MBD5: variants seen among roughly 807,000 people sequenced by gnomAD.
MBD5 encodes the protein methyl-CpG binding domain protein 5.
A neutral mutation model predicts 117.3 loss-of-function variants in MBD5; 13 were observed. That is an observed-to-expected ratio of 0.11 (90% CI 0.07 to 0.18). The LOEUF is 0.18. MBD5 is among the 10% of genes least tolerant of loss of function. MBD5 has a pLI of 1.00. For synonymous variants in MBD5, 727 were observed against 766.4 expected, an observed-to-expected ratio of 0.95 and a Z score of 0.85; for missense variants, 1,879 against 2,093.8, an observed-to-expected ratio of 0.90 and a Z score of 2.00.
chr2:148,473,186 A>G (rs1256912390), intron 8 of MBD5, among the ~76,000 whole-genome samples: 1 of 152,182 alleles, frequency 6.6e-6, no homozygotes, highest in African/African-American at 2.4e-5. Flanking sequence ...TGCCAATATT[A>G]TAGCAAATAA....
At chr2:148,054,843 G>A (rs939410259) in intron 1 of MBD5, 9 of 152,112 alleles carry the variant, frequency 5.9e-5, no homozygotes, top group South Asian at 4.1e-4. Context: ...AATTCACTAC[G>A]TTTTCCAAAA....
chr2:148,420,697 ATGTTTTGTTT>A (rs3076613), intron 4 of MBD5, among the ~76,000 whole-genome samples: 1,791 of 147,464 alleles, frequency 0.012, 31 homozygotes, highest in African/African-American at 0.033. Context: ...CTGATAAGTC[ATGTTTTGTTT>A]TGTTTTGTTT....
intron 1 of MBD5, among the ~76,000 whole-genome samples, chr2:148,139,461 C>G (rs1464393150): frequency 6.6e-6 from 1 of 152,062 alleles, no homozygotes; most frequent in African/African-American, 2.4e-5. Context: ...CCGAGGCCTC[C>G]GAGGCCTCCG....
At chr2:148,033,202 T>C (rs1196159352) in intron 1 of MBD5, among the ~76,000 whole-genome samples, 1 of 152,194 alleles carries the variant, frequency 6.6e-6, no homozygotes, top group Non-Finnish European at 1.5e-5. Context: ...TGTTAGAATA[T>C]AAACATTTAA....
At chr2:148,034,248 A>G (rs984774884) in intron 1 of MBD5, among the ~76,000 whole-genome samples, 1 of 152,218 alleles carries the variant, frequency 6.6e-6, no homozygotes, top group African/African-American at 2.4e-5. Flanking sequence ...AATAATTCTA[A>G]GAGGTCAGTG....
chr2:148,264,645 T>A (rs1035061774), intron 3 of MBD5: 4 of 152,176 alleles, frequency 2.6e-5, no homozygotes, highest in Non-Finnish European at 5.9e-5. Context: ...GCCTGCAGAA[T>A]CTATAGGGGT....
intron 1 of MBD5, among the ~76,000 whole-genome samples, chr2:148,064,872 T>G (rs1291094836): frequency 6.6e-6 from 1 of 152,214 alleles, no homozygotes; most frequent in African/African-American, 2.4e-5. Flanking sequence ...TTGACCGTTC[T>G]TTCTTATATA....
intron 1 of MBD5, among the ~76,000 whole-genome samples, chr2:148,141,679 G>A (rs1446241138): frequency 6.6e-6 from 1 of 152,004 alleles, no homozygotes; most frequent in Non-Finnish European, 1.5e-5. Context: ...TATTGTCCCA[G>A]CTACCCAAGA....
intron 3 of MBD5, among the ~76,000 whole-genome samples, chr2:148,290,160 G>A (rs1025293141): frequency 3.4e-5 from 5 of 147,438 alleles, no homozygotes; most frequent in East Asian, 2.0e-4. Flanking sequence ...GTTTCACCAC[G>A]TTGGCCAGGC....
chr2:148,182,251 T>G (rs957102402), intron 2 of MBD5, among the ~76,000 whole-genome samples: 1 of 152,168 alleles, frequency 6.6e-6, no homozygotes, highest in African/African-American at 2.4e-5. Context: ...CTATTGAACC[T>G]TAACAATGCT....
At chr2:148,024,439 A>AG (rs1313482433) in intron 1 of MBD5, among the ~76,000 whole-genome samples, 1 of 152,184 alleles carries the variant, frequency 6.6e-6, no homozygotes, top group Non-Finnish European at 1.5e-5. Context: ...CTGCCTAAAA[A>AG]CAAACATTTT....
chr2:148,254,321 A>T (rs1237870105), intron 3 of MBD5, among the ~76,000 whole-genome samples: 2 of 152,180 alleles, frequency 1.3e-5, no homozygotes, highest in Non-Finnish European at 2.9e-5. Context: ...TACTATGTTT[A>T]AGGCCATTTA....
intron 3 of MBD5, among the ~76,000 whole-genome samples, chr2:148,318,705 G>T (rs566454235): frequency 6.6e-6 from 1 of 152,100 alleles, no homozygotes; most frequent in African/African-American, 2.4e-5. Flanking sequence ...TGAATAGGAT[G>T]TACTTTCTCC....
At position 148,369,261 on chromosome 2, in the gene MBD5, T is replaced by A. The variant is rs116424159; in HGVS notation, c.-557+26925T>A. Reference sequence around the variant, plus strand: ...TAGGAAACTGAAGACACTTAACAACTAAATGTCATGTGATAATTGATTGGT... The same window carrying A: ...TAGGAAACTGAAGACACTTAACAACAAAATGTCATGTGATAATTGATTGGT... On this transcript the variant is annotated intron_variant, in intron 4 of 13. Coordinates refer to ENST00000642680, the MANE Select transcript of MBD5 (RefSeq NM_001378120.1). Among the ~76,000 whole-genome samples the A allele has an allele frequency of 8.7e-3, 1,329 of 152,018 alleles. 27 individuals are homozygous for A. Among genetic ancestry groups the A allele is most frequent in the African/African-American group, 0.031 (1,274 of 41,468 alleles).
intron 2 of MBD5, among the ~76,000 whole-genome samples, chr2:148,223,808 T>G (rs1013633890): frequency 6.6e-6 from 1 of 152,158 alleles, no homozygotes; most frequent in Non-Finnish European, 1.5e-5. Context: ...TTAAGATGAA[T>G]CTTTAGGTTG....
intron 1 of MBD5, among the ~76,000 whole-genome samples, chr2:148,042,919 T>G (rs1485816667): frequency 6.6e-6 from 1 of 152,148 alleles, no homozygotes; most frequent in African/African-American, 2.4e-5. Context: ...TTACCCTTTT[T>G]TAGGTCTTAG....
Position 148,483,926 on chromosome 2 carries a change from C to T in MBD5, c.3335C>T (p.Ser1112Phe). The stretch of plus-strand genomic sequence containing the variant: ...CATCCAGAGGTTTCCATAGCAACCT[C>T]CTCCCAGGCAACCACTACCACAACC... The part of the protein sequence containing the change: ...ANHPEVSIAT[S>F]SQATTTTTTT... The change falls in exon 9 of 14, where the codon TCC becomes TTC. Residue 1112 changes from serine to phenylalanine, a missense_variant. Physicochemically the swap from Ser to Phe is radical, Grantham distance 155 (BLOSUM62 -2). Transcript: ENST00000642680. 6.4e-7 allele frequency: 1 copy of T among 1,550,520 alleles called. No individual in the cohort carries two copies. Among genetic ancestry groups the T allele is most frequent in the Non-Finnish European group, 8.7e-7 (1 of 1,146,948 alleles).
intron 2 of MBD5, among the ~76,000 whole-genome samples, chr2:148,227,199 C>T (rs1422821673): frequency 6.6e-6 from 1 of 152,146 alleles, no homozygotes. Flanking sequence ...ATGCCTATGT[C>T]CTGAATGGTA....
At chr2:148,506,386 A>G (rs1682033255) in intron 12 of MBD5, among the ~76,000 whole-genome samples, 1 of 152,270 alleles carries the variant, frequency 6.6e-6, no homozygotes, top group Non-Finnish European at 1.5e-5. Context: ...GGAAAACAAT[A>G]AAGTGATTAA....
Sources: gnomAD v4.1 joint callset for allele counts (sites outside exome capture counted in the v4.1 genomes callset) on GRCh38, gnomAD v4.1.1 for gene constraint, MANE v1.5 for transcripts, NCBI Gene and HGNC (gene_info 2026-07-23, HGNC 2026-07-21) for gene names.